Variants in IDE observed in about 807,000 individuals in gnomAD.
The protein encoded by IDE is insulin degrading enzyme.
In IDE, 58 loss-of-function variants were observed where a neutral mutation model predicts 133.2. That is an observed-to-expected ratio of 0.44 (90% CI 0.35 to 0.54). The LOEUF (loss-of-function observed/expected upper bound fraction) is 0.54, where lower values mean the gene tolerates loss of function less well. Ranked by LOEUF, IDE falls within the 20% of genes least tolerant of loss-of-function variation. IDE has a pLI of 0.00. For missense variants in IDE, 981 were observed against 1,234.0 expected (o/e 0.79, Z 3.07); for synonymous variants, 396 against 421.3 (o/e 0.94, Z 0.73).
At chr10:92,556,936 A>AC (rs1843040169) in intron 1 of IDE, among the ~76,000 whole-genome samples, 1 of 151,944 alleles carries the variant, frequency 6.6e-6, no homozygotes, top group Non-Finnish European at 1.5e-5. Flanking sequence ...AAAAAAAAAA[A>AC]AAAACTTATG....
Position 92,479,335 on chromosome 10 carries a change from T to C in IDE, c.1826A>G (p.Tyr609Cys), listed in dbSNP as rs1273363767. Reference sequence around the variant, plus strand: ...GCTCAAGCCTGCTAGCTCTGCTGCATATGCATACTCGTTGAGTGAGTCTTT... The same window carrying C: ...GCTCAAGCCTGCTAGCTCTGCTGCACATGCATACTCGTTGAGTGAGTCTTT... ...LLKDSLNEYA[Y>C]AAELAGLSYD... The change falls in exon 15 of 25, where the codon TAT (tyrosine) becomes TGT (cysteine). Residue 609 changes from tyrosine (Y) to cysteine (C), a missense_variant. Tyr to Cys is a radical substitution (Grantham distance 194). Coordinates refer to ENST00000265986, the MANE Select transcript of IDE (RefSeq NM_004969.4). 3.1e-6 allele frequency: 5 copies of C among 1,613,698 alleles called. No individual in the cohort carries two copies. The East Asian group carries it at 8.9e-5, about 29-fold the overall frequency.
intron 1 of IDE, among the ~76,000 whole-genome samples, chr10:92,564,701 A>C (rs1040606995): frequency 7.0e-6 from 1 of 142,814 alleles, no homozygotes; most frequent in South Asian, 2.3e-4. Flanking sequence ...AAAAAAAAAA[A>C]AAAAAAAAAC....
intron 1 of IDE, among the ~76,000 whole-genome samples, chr10:92,543,615 T>A (rs542823272): frequency 6.6e-6 from 1 of 152,076 alleles, no homozygotes; most frequent in South Asian, 2.1e-4. Context: ...TGGAAAGGAG[T>A]TTATGATCAA....
chr10:92,459,824 C>CTTTTT (rs901315055), intron 22 of IDE, among the ~76,000 whole-genome samples: 4 of 92,782 alleles, frequency 4.3e-5, no homozygotes, highest in South Asian at 3.7e-4. Context: ...GTGTGAACCT[C>CTTTTT]TTTTTTTTTT....
At chr10:92,466,528 G>A (rs1157810354) in intron 19 of IDE, among the ~76,000 whole-genome samples, 5 of 151,934 alleles carry the variant, frequency 3.3e-5, no homozygotes, top group Non-Finnish European at 5.9e-5. Context: ...TGTTGGCCAC[G>A]CTGGTCTTGA....
chr10:92,490,821 A>G (rs990420553), intron 11 of IDE, among the ~76,000 whole-genome samples: 5 of 152,148 alleles, frequency 3.3e-5, no homozygotes, highest in Non-Finnish European at 5.9e-5. Context: ...TTAGTATGAA[A>G]AAGTGCTCGC....
At chr10:92,547,858 T>C (rs1420991465) in intron 1 of IDE, among the ~76,000 whole-genome samples, 1 of 152,192 alleles carries the variant, frequency 6.6e-6, no homozygotes, top group Non-Finnish European at 1.5e-5. Context: ...ATGACCTCTC[T>C]GCTCCTGAGG....
At position 92,452,254 on chromosome 10, in the gene IDE, C is replaced by T. The variant is rs1021350700; in HGVS notation, c.*2190G>A. 3 of 152,158 alleles carry T rather than the reference C, an allele frequency of 2.0e-5. No homozygotes were observed. The highest frequency in any genetic ancestry group is 6.5e-5 in the Admixed American group (1 of 15,272). The allele number at this position is 152,158 out of a possible 1,614,324, so 9.4% of individuals were successfully genotyped here. A position where few individuals can be genotyped will look rare whatever the true frequency, so the allele number is the denominator to read the frequency against. On this transcript the variant is annotated 3_prime_UTR_variant, in exon 25 of 25. Coordinates refer to ENST00000265986, the MANE Select transcript of IDE (RefSeq NM_004969.4). ...AAATGCAGACTCCAGAGGTGAAATT[C>T]AGGCGATTTATTGTAAACAGGATAA...
At chr10:92,526,883 C>T (rs1849655829) in intron 4 of IDE, among the ~76,000 whole-genome samples, 3 of 149,268 alleles carry the variant, frequency 2.0e-5, no homozygotes, top group African/African-American at 7.4e-5. Flanking sequence ...CAGGGTCTCA[C>T]TATGTTGCCT....
At chr10:92,499,346 T>C (rs1474698949) in intron 11 of IDE, among the ~76,000 whole-genome samples, 1 of 151,816 alleles carries the variant, frequency 6.6e-6, no homozygotes, top group Non-Finnish European at 1.5e-5. Context: ...GGTTTTGCCA[T>C]GTTGGCCAGG....
chr10:92,495,286 T>C (rs11187022), intron 11 of IDE, among the ~76,000 whole-genome samples: 62,157 of 148,448 alleles, frequency 0.42, 13,815 homozygotes, highest in East Asian at 0.67. Flanking sequence ...AGTGGCGCGA[T>C]CTTGGCTCAC....
intron 5 of IDE, among the ~76,000 whole-genome samples, chr10:92,513,844 CAA>C (rs1238444564): frequency 6.6e-6 from 1 of 151,854 alleles, no homozygotes; most frequent in Non-Finnish European, 1.5e-5. Context: ...GTGAACAAAA[CAA>C]AGTTTCTATT....
In IDE at chr10:92,479,289, G is replaced by A. The variant is rs756646017; in HGVS notation, c.1872C>T (p.Ile624=). Reference sequence around the variant, plus strand: ...CGTGGGTACTTACATACATCCCATAGATGGTATTTTGGAGATCATAGCTCA... The same window carrying A: ...CGTGGGTACTTACATACATCCCATAAATGGTATTTTGGAGATCATAGCTCA... The part of the protein sequence containing the change: ...AGLSYDLQNT[I]YGMYLSVKGY... The change falls in exon 15 of 25, where the codon ATC becomes ATT. Residue 624 remains isoleucine (I), a synonymous_variant. Coordinates refer to ENST00000265986, the MANE Select transcript of IDE (RefSeq NM_004969.4). The A allele has an allele frequency of 2.7e-5, 43 of 1,611,240 alleles. No homozygotes were observed. Among genetic ancestry groups the A allele is most frequent in the Non-Finnish European group, 1.3e-5 (15 of 1,177,686 alleles).
rs1355813076 is a variant in IDE at position 92,463,612 on chromosome 10, C to A, written c.2761+119G>T. ...TTTGGAAGTGCCAGCCATCCCCCCA[C>A]CCCAACTCCCCAAATAGGTAACGGA... On this transcript the variant is annotated intron_variant, in intron 21 of 24. Coordinates refer to ENST00000265986, the MANE Select transcript of IDE (RefSeq NM_004969.4). 4 of 909,252 alleles carry A rather than the reference C, an allele frequency of 4.4e-6. No homozygotes were observed. The African/African-American group carries it at 5.0e-5, about 11-fold the overall frequency. 56.3% of individuals were successfully genotyped at this position (909,252 alleles called of 1,614,324 possible).
At chr10:92,520,961 A>T (rs1344996256) in intron 4 of IDE, among the ~76,000 whole-genome samples, 2 of 152,200 alleles carry the variant, frequency 1.3e-5, no homozygotes, top group African/African-American at 4.8e-5. Context: ...TACATCCATG[A>T]GTCTATGTGA....
chr10:92,507,676 AG>A lies in IDE; in HGVS notation c.1154-11del. The A allele has an allele frequency of 6.9e-7, 1 of 1,439,348 alleles. No homozygotes were observed. Among genetic ancestry groups the A allele is most frequent in the Non-Finnish European group, 9.8e-7 (1 of 1,020,692 alleles). The allele number at this position is 1,439,348 out of a possible 1,614,324, so 89.2% of individuals were successfully genotyped here. ...ATATCTTCAACATGTACTGGAAAAA[AG>A]GGGCACACTTAAAAACCATTCAGTC... On this transcript the variant is annotated splice_polypyrimidine_tract_variant and intron_variant, in intron 8 of 24. Transcript: ENST00000265986.
chr10:92,469,731 T>C (rs1845868355), intron 18 of IDE, among the ~76,000 whole-genome samples: 1 of 152,222 alleles, frequency 6.6e-6, no homozygotes, highest in Non-Finnish European at 1.5e-5. Context: ...TGAGGGATCT[T>C]GAGACAGACT....
At chr10:92,561,694 G>A (rs893330642) in intron 1 of IDE, among the ~76,000 whole-genome samples, 4 of 151,948 alleles carry the variant, frequency 2.6e-5, no homozygotes, top group African/African-American at 4.8e-5. Flanking sequence ...CACGGGAGGC[G>A]GAGCTTGCAG....
chr10:92,459,824 CTTTTT>C (rs901315055), intron 22 of IDE, among the ~76,000 whole-genome samples: 1 of 92,780 alleles, frequency 1.1e-5, no homozygotes, highest in African/African-American at 4.4e-5. Context: ...GTGTGAACCT[CTTTTT>C]TTTTTTTTTT....
Sources: gnomAD v4.1 joint callset for allele counts (sites outside exome capture counted in the v4.1 genomes callset) on GRCh38, gnomAD v4.1.1 for gene constraint, MANE v1.5 for transcripts, NCBI Gene and HGNC (gene_info 2026-07-23, HGNC 2026-07-21) for gene names.